UVSSA: variants seen among roughly 807,000 people sequenced by gnomAD.
UVSSA encodes the protein UV stimulated scaffold protein A, also known as UV-stimulated scaffold protein A.
UVSSA carries 72 observed loss-of-function variants against 73.9 expected under a neutral mutation model. The ratio of observed to expected loss-of-function variants is 0.97; its 90% CI spans 0.81 to 1.19. The LOEUF is 1.19. Among genes scored for constraint, UVSSA ranks in the 50% most tolerant of loss-of-function variants. The pLI is 0.00. For missense variants in UVSSA, 1,150 were observed against 965.0 expected, an observed-to-expected ratio of 1.19 and a Z score of -2.54; for synonymous variants, 454 against 391.3, an observed-to-expected ratio of 1.16 and a Z score of -1.89.
At chr4:1,344,711 A>T (rs1713552859), upstream of UVSSA, among the ~76,000 whole-genome samples, 1 of 152,210 alleles carries the variant, frequency 6.6e-6, no homozygotes, top group Non-Finnish European at 1.5e-5. Context: ...GAGTGAAGAG[A>T]AAAAAGCGAA....
chr4:1,344,784 G>A (rs144480537), upstream of UVSSA, among the ~76,000 whole-genome samples: 158 of 152,298 alleles, frequency 1.0e-3, no homozygotes, highest in African/African-American at 3.4e-3. Flanking sequence ...GAACAAGCAC[G>A]GCAGGTTTAG....
intron 8 of UVSSA, 139 bp from the exon 9 acceptor site, chr4:1,375,225 A>G (rs1577359267): frequency 7.2e-7 from 1 of 1,383,888 alleles, no homozygotes; most frequent in South Asian, 1.3e-5. Context: ...CGTGAGGAGC[A>G]GATAGCAGGC....
rs1033440559 is a variant in UVSSA at position 1,380,070 on chromosome 4, G to A, written c.1592G>A (p.Trp531Ter). The A allele has an allele frequency of 2.5e-6, 4 of 1,610,300 alleles. No homozygotes were observed. The highest frequency in any genetic ancestry group is 3.4e-6 in the Non-Finnish European group (4 of 1,178,558). Residue 531 changes from tryptophan (W) to a stop codon, truncating the protein, a stop_gained, in exon 11 of 14, where the codon TGG becomes TAG. Transcript: ENST00000389851. LOFTEE classifies it high-confidence loss of function. ...AGGTCTGACTCCCAGCACCGCTTCT[G>A]GAAGCCCAGCGAGGTGGAGGAGGAA... ...IVKSDSQHRF[W>*]KPSEVEEEVV... is the part of the protein sequence containing the mutation.
chr4:1,351,167 G>C (rs1259635394), intron 3 of UVSSA, among the ~76,000 whole-genome samples: 1 of 143,958 alleles, frequency 6.9e-6, no homozygotes, highest in East Asian at 2.1e-4. Flanking sequence ...CCGGGTTCAC[G>C]CCATTCTCCT....
intron 2 of UVSSA, among the ~76,000 whole-genome samples, chr4:1,348,733 G>T (rs2293630): frequency 2.0e-5 from 3 of 151,990 alleles, no homozygotes; most frequent in Admixed American, 2.0e-4. Flanking sequence ...TAAAATGGCA[G>T]TTTATAGATT....
chr4:1,376,208 C>A (rs1577362489), intron 10 of UVSSA, 40 bp downstream of exon 10: 2 of 1,575,918 alleles, frequency 1.3e-6, no homozygotes. Context: ...GGGCACACAA[C>A]CAGGGTCCCA....
At chr4:1,347,877 C>T (rs1011346586) in intron 1 of UVSSA, 117 bp downstream of exon 1, 12 of 549,932 alleles carry the variant, frequency 2.2e-5, no homozygotes, top group Non-Finnish European at 3.9e-5. Flanking sequence ...TGTAGAGGTC[C>T]CGAGTTTAAG....
chr4:1,365,773 C>T (rs921198963), intron 7 of UVSSA, among the ~76,000 whole-genome samples: 1 of 152,178 alleles, frequency 6.6e-6, no homozygotes, highest in Non-Finnish European at 1.5e-5. Context: ...AGCAGACGCA[C>T]CTGCTCCACC....
At chr4:1,371,770 C>T (rs1020431379) in intron 8 of UVSSA, among the ~76,000 whole-genome samples, 3 of 152,180 alleles carry the variant, frequency 2.0e-5, no homozygotes, top group East Asian at 1.9e-4. Context: ...CCTCCCACCA[C>T]GTGTGGGAAT....
rs375580208 is a variant in UVSSA at position 1,351,706 on chromosome 4, A to G, written c.430-9A>G. 121 of 1,612,376 alleles carry G rather than the reference A, an allele frequency of 7.5e-5. No individual in the cohort carries two copies. The highest frequency in any genetic ancestry group is 9.2e-5 in the Non-Finnish European group (108 of 1,179,130). Reference sequence around the variant, plus strand: ...GCCTGTCCCCTAGTCTTTATTTTCAATTGCTCAGGTGGATTTTCAAGACAC... The same window carrying G: ...GCCTGTCCCCTAGTCTTTATTTTCAGTTGCTCAGGTGGATTTTCAAGACAC... On this transcript the variant is annotated splice_polypyrimidine_tract_variant and intron_variant, in intron 3 of 13. Transcript: ENST00000389851.
downstream of UVSSA, chr4:1,388,931 C>G (rs990365683): frequency 6.6e-6 from 1 of 152,200 alleles, no homozygotes; most frequent in Non-Finnish European, 1.5e-5. Context: ...AGTCACGTCA[C>G]TACTGACCTC....
In UVSSA at chr4:1,349,655, T is replaced by C. The variant is rs748437200; in HGVS notation, c.230T>C (p.Met77Thr). 2.3e-5 allele frequency: 37 copies of C among 1,613,950 alleles called. No homozygotes were observed. Among genetic ancestry groups the C allele is most frequent in the Non-Finnish European group, 3.1e-5 (37 of 1,179,994 alleles). ...ELFVRSHQFR[M>T]LVVSNFQEFL... ...TTCGTCAGGTCTCACCAGTTCCGGA[T>C]GCTGGTTGTTTCCAACTTCCAGGAG... Residue 77 changes from methionine to threonine, a missense_variant, in exon 3 of 14, where the codon ATG becomes ACG. Physicochemically the swap from Met to Thr is moderately conservative, Grantham distance 81. Transcript: ENST00000389851.
chr4:1,381,291 C>T (rs547825196), intron 12 of UVSSA, among the ~76,000 whole-genome samples: 2 of 152,238 alleles, frequency 1.3e-5, no homozygotes, highest in Non-Finnish European at 2.9e-5. Context: ...GTCCTGCTTC[C>T]CTCGTGTTTT....
intron 10 of UVSSA, among the ~76,000 whole-genome samples, chr4:1,376,504 C>G (rs1420794290): frequency 1.3e-5 from 2 of 152,224 alleles, no homozygotes; most frequent in African/African-American, 4.8e-5. Flanking sequence ...TGCTTCAGGA[C>G]TGCACGGTTG....
rs1715079596 is a variant in UVSSA, at chr4:1,353,232, C to G, written c.753C>G (p.Pro251=). Residue 251 remains proline (P), a synonymous_variant, in exon 5 of 14, where the codon CCC becomes CCG. Transcript: ENST00000389851. Reference sequence around the variant, plus strand: ...CTGACCCCCGGGACGGGGAGCAGCCCTGCTGCAGTAGAGACCTGCCTGCCT... The same window carrying G: ...CTGACCCCCGGGACGGGGAGCAGCCGTGCTGCAGTAGAGACCTGCCTGCCT... ...GTPDPRDGEQ[P]CCSRDLPASA... 1 of 1,612,000 alleles carries G rather than the reference C, an allele frequency of 6.2e-7. No homozygotes were observed.
At chr4:1,342,762 C>T (rs753909463), upstream of UVSSA, among the ~76,000 whole-genome samples, 2 of 152,206 alleles carry the variant, frequency 1.3e-5, no homozygotes, top group African/African-American at 2.4e-5. Flanking sequence ...CGTTGAATAA[C>T]GTTGGCTCCA....
chr4:1,380,407 C>T (rs116487739), intron 11 of UVSSA, among the ~76,000 whole-genome samples, 177 bp downstream of exon 11: 2,093 of 152,326 alleles, frequency 0.014, 55 homozygotes, highest in African/African-American at 0.048. Context: ...GCCATCAGAG[C>T]ATGGTGTCTG....
upstream of UVSSA, among the ~76,000 whole-genome samples, chr4:1,342,388 G>A (rs952421158): frequency 3.9e-5 from 6 of 152,256 alleles, no homozygotes; most frequent in African/African-American, 1.4e-4. Flanking sequence ...TTTGTCTATT[G>A]CTCATTTTAA....
Position 1,380,177 on chromosome 4 carries a change from T to C in UVSSA, c.1699T>C (p.Cys567Arg). The stretch of plus-strand genomic sequence containing the variant: ...GAAGTTTGAGCCTGTGCAGCACTGG[T>C]GCCGTGCCCCGAGGCCAGACGGCCG... ...AGKFEPVQHW[C>R]RAPRPDGRLC... Residue 567 changes from cysteine to arginine, a missense_variant, in exon 11 of 14, where the codon TGC (cysteine) becomes CGC (arginine). Cys to Arg is a radical substitution (Grantham distance 180). Coordinates refer to ENST00000389851, the MANE Select transcript of UVSSA (RefSeq NM_020894.4). 1.2e-6 allele frequency: 2 copies of C among 1,612,822 alleles called. No homozygotes were observed. Among genetic ancestry groups the C allele is most frequent in the Non-Finnish European group, 1.7e-6 (2 of 1,179,928 alleles).
Sources: gnomAD v4.1 joint callset for allele counts (sites outside exome capture counted in the v4.1 genomes callset) on GRCh38, gnomAD v4.1.1 for gene constraint, MANE v1.5 for transcripts, NCBI Gene and HGNC (gene_info 2026-07-23, HGNC 2026-07-21) for gene names.